The following NPSR1 variants were observed in gnomAD, a reference collection of about 807,000 sequenced individuals.
NPSR1 encodes neuropeptide S receptor.
A neutral mutation model predicts 46.9 loss-of-function variants in NPSR1; 48 were observed. That is an observed-to-expected ratio of 1.02 (90% CI 0.81 to 1.30). NPSR1 has a LOEUF of 1.30. NPSR1 is among the 50% of genes most tolerant of loss of function. The probability of loss-of-function intolerance (pLI) is 0.00; values close to 1 mark genes in which losing one functional copy is unlikely to be tolerated. For missense variants in NPSR1, 450 were observed against 449.5 expected, an observed-to-expected ratio of 1.00 and a Z score of -0.01; for synonymous variants, 176 against 168.1, an observed-to-expected ratio of 1.05 and a Z score of -0.36.
chr7:34,691,133 T>A (rs1793229101), intron 2 of NPSR1, among the ~76,000 whole-genome samples: 1 of 152,160 alleles, frequency 6.6e-6, no homozygotes, highest in Non-Finnish European at 1.5e-5. Context: ...ATGCTAAGCT[T>A]TATAAATGAA....
chr7:34,819,224 G>A (rs7804514), intron 4 of NPSR1, among the ~76,000 whole-genome samples: 152,287 of 152,288 alleles, frequency 1, 76,143 homozygotes, highest in Non-Finnish European at 1. Context: ...ATTTACAAGA[G>A]AAAAAACAAC....
At chr7:34,819,687 A>G (rs1789455212) in intron 4 of NPSR1, among the ~76,000 whole-genome samples, 1 of 152,366 alleles carries the variant, frequency 6.6e-6, no homozygotes, top group East Asian at 1.9e-4. Context: ...TCCATCAATG[A>G]TAGACTGGAT....
intron 2 of NPSR1, among the ~76,000 whole-genome samples, chr7:34,768,021 CA>C (rs1164377638): frequency 3.3e-5 from 5 of 151,958 alleles, no homozygotes; most frequent in Admixed American, 6.5e-5. Flanking sequence ...ATGATCCTCA[CA>C]AAAAAATGAT....
chr7:34,805,827 T>G (rs2128749085), intron 3 of NPSR1, among the ~76,000 whole-genome samples: 1 of 152,060 alleles, frequency 6.6e-6, no homozygotes, highest in Non-Finnish European at 1.5e-5. Context: ...CAAAGAACTC[T>G]TAAAACTCAA....
chr7:34,795,088 C>CA (rs1788113880), intron 3 of NPSR1, among the ~76,000 whole-genome samples: 1 of 151,896 alleles, frequency 6.6e-6, no homozygotes, highest in African/African-American at 2.4e-5. Flanking sequence ...AGGCTTATCC[C>CA]AAAAAAGTAA....
intron 8 of NPSR1, among the ~76,000 whole-genome samples, chr7:34,873,084 C>T (rs538154558): frequency 6.6e-6 from 1 of 151,930 alleles, no homozygotes; most frequent in East Asian, 1.9e-4. Flanking sequence ...AGGGCCTGGA[C>T]AAAATGCAGC....
intron 4 of NPSR1, among the ~76,000 whole-genome samples, chr7:34,821,475 G>GGCAT (rs1789559279): frequency 6.6e-6 from 1 of 152,116 alleles, no homozygotes; most frequent in Non-Finnish European, 1.5e-5. Flanking sequence ...GCCGACTTTA[G>GGCAT]AAAGGGTTGA....
At chr7:34,754,612 T>C (rs1385500157) in intron 2 of NPSR1, among the ~76,000 whole-genome samples, 1 of 152,168 alleles carries the variant, frequency 6.6e-6, no homozygotes, top group Non-Finnish European at 1.5e-5. Flanking sequence ...TTTTATTTTT[T>C]CTTTTTATGA....
At chr7:34,675,206 C>T (rs1792256808) in intron 1 of NPSR1, among the ~76,000 whole-genome samples, 1 of 152,202 alleles carries the variant, frequency 6.6e-6, no homozygotes, top group South Asian at 2.1e-4. Context: ...ATGCTTGGCA[C>T]ATGGCAATCA....
chr7:34,683,976 C>A (rs1015379474), intron 1 of NPSR1, among the ~76,000 whole-genome samples: 1 of 152,066 alleles, frequency 6.6e-6, no homozygotes, highest in African/African-American at 2.4e-5. Context: ...ATAATTACAC[C>A]CTAATATGAC....
chr7:34,761,096 C>T (rs1157430658), intron 2 of NPSR1: 1 of 152,822 alleles, frequency 6.5e-6, no homozygotes, highest in Non-Finnish European at 1.5e-5. Flanking sequence ...TGATCTTGGG[C>T]CCCTTCCTCC....
chr7:34,740,425 T>A (rs1784884531), intron 2 of NPSR1, among the ~76,000 whole-genome samples: 1 of 150,764 alleles, frequency 6.6e-6, no homozygotes, highest in Admixed American at 6.7e-5. Context: ...CCAGGAGACT[T>A]CTAGTTTGGT....
At chr7:34,867,054 C>A (rs985189397) in intron 8 of NPSR1, among the ~76,000 whole-genome samples, 1 of 151,650 alleles carries the variant, frequency 6.6e-6, no homozygotes. Context: ...CTGAATAAGA[C>A]CCTTCCAAGC....
At chr7:34,809,448 A>C (rs325461) in intron 3 of NPSR1, among the ~76,000 whole-genome samples, 76,483 of 147,396 alleles carry the variant, frequency 0.52, 20,355 homozygotes, top group African/African-American at 0.62. Flanking sequence ...CAGATTATTT[A>C]ATCACCCAGG....
At chr7:34,797,801 T>C (rs1788247948) in intron 3 of NPSR1, among the ~76,000 whole-genome samples, 2 of 152,112 alleles carry the variant, frequency 1.3e-5, no homozygotes, top group Non-Finnish European at 2.9e-5. Context: ...AACTTACAGA[T>C]AAATAAACAA....
chr7:34,662,204 G>C (rs371620), intron 1 of NPSR1, among the ~76,000 whole-genome samples: 42,813 of 151,898 alleles, frequency 0.28, 7,632 homozygotes, highest in African/African-American at 0.51. Flanking sequence ...CTTTTATTGC[G>C]CCTCCTTCGG....
chr7:34,811,654 A>AC (rs566953237), intron 3 of NPSR1, 116 bp from the exon 4 acceptor site: 16 of 654,018 alleles, frequency 2.4e-5, no homozygotes, highest in Non-Finnish European at 4.0e-5. Context: ...TCCAACACTC[A>AC]CCCCTTCTTT....
intron 5 of NPSR1, among the ~76,000 whole-genome samples, chr7:34,832,719 C>T (rs901756330): frequency 6.6e-6 from 1 of 152,164 alleles, no homozygotes; most frequent in Non-Finnish European, 1.5e-5. Flanking sequence ...AAGCATAAGA[C>T]ATTTCTTAAC....
chr7:34,668,476 G>C (rs1791870916), intron 1 of NPSR1, among the ~76,000 whole-genome samples: 1 of 152,152 alleles, frequency 6.6e-6, no homozygotes, highest in Admixed American at 6.5e-5. Context: ...ATAAAACTTA[G>C]AATAATGTAA....
Sources: allele counts gnomAD v4.1 joint callset (sites outside exome capture counted in the v4.1 genomes callset), GRCh38; gene constraint gnomAD v4.1.1; transcripts MANE v1.5; gene names NCBI Gene and HGNC (gene_info 2026-07-23, HGNC 2026-07-21).